PTPRM: variants seen among roughly 807,000 people sequenced by gnomAD.
The protein encoded by PTPRM is receptor-type tyrosine-protein phosphatase mu.
A neutral mutation model predicts 186.7 loss-of-function variants in PTPRM; 47 were observed. The ratio of observed to expected loss-of-function variants is 0.25; its 90% CI spans 0.20 to 0.32. The LOEUF (loss-of-function observed/expected upper bound fraction) is 0.32, where lower values mean the gene tolerates loss of function less well. Ranked by LOEUF, PTPRM falls within the 10% of genes least tolerant of loss-of-function variation. The probability of loss-of-function intolerance (pLI) is 1.00; values close to 1 mark genes in which losing one functional copy is unlikely to be tolerated. For missense variants in PTPRM, 1,494 were observed against 1,865.0 expected, an observed-to-expected ratio of 0.80 and a Z score of 3.66; for synonymous variants, 668 against 674.9, an observed-to-expected ratio of 0.99 and a Z score of 0.16.
intron 14 of PTPRM, among the ~76,000 whole-genome samples, chr18:8,199,863 G>A (rs779031543): frequency 2.6e-5 from 4 of 151,966 alleles, no homozygotes; most frequent in South Asian, 4.2e-4. Flanking sequence ...CTTTATTGGC[G>A]CTGTGTGTAT....
At position 7,567,646 on chromosome 18, in the gene PTPRM, T is replaced by A. The variant is rs111519596; in HGVS notation, c.-173T>A. 5.5e-6 allele frequency: 3 copies of A among 541,056 alleles called. No homozygotes were observed. The East Asian group carries it at 1.1e-4, about 19-fold the overall frequency. 33.5% of individuals were successfully genotyped at this position (541,056 alleles called of 1,614,324 possible). A position where few individuals can be genotyped will look rare whatever the true frequency, so the allele number is the denominator to read the frequency against. On this transcript the variant is annotated 5_prime_UTR_variant, in exon 1 of 33. Transcript: ENST00000580170. The surrounding 1 kb of genome is among the most constrained non-coding windows in gnomAD (Gnocchi z 4.3). ...ACCCAGGACCCTGTGCCCGCGCCCC[T>A]GGAGCCGCTGGAGTTCGGACTTCTG...
chr18:8,193,284 C>T (rs766852403), intron 14 of PTPRM, among the ~76,000 whole-genome samples: 3 of 152,136 alleles, frequency 2.0e-5, no homozygotes, highest in Non-Finnish European at 2.9e-5. Context: ...TTTGCCTTTA[C>T]TGTGGAGGGG....
intron 13 of PTPRM, among the ~76,000 whole-genome samples, chr18:8,116,935 A>C (rs2091979331): frequency 6.6e-6 from 1 of 152,216 alleles, no homozygotes; most frequent in African/African-American, 2.4e-5. Context: ...AGAGGGACAC[A>C]TTTTAATATT....
At chr18:7,670,361 TTCTG>T (rs1210556417) in intron 1 of PTPRM, among the ~76,000 whole-genome samples, 6 of 152,218 alleles carry the variant, frequency 3.9e-5, no homozygotes, top group Non-Finnish European at 5.9e-5. Flanking sequence ...CTTATATAGA[TTCTG>T]TCTTTCTTTT....
At chr18:8,227,175 C>T (rs8093791) in intron 14 of PTPRM, among the ~76,000 whole-genome samples, 23,916 of 152,140 alleles carry the variant, frequency 0.16, 2,006 homozygotes, top group African/African-American at 0.21. Context: ...TACTTATGCA[C>T]CAACCTAATA....
intron 7 of PTPRM, among the ~76,000 whole-genome samples, chr18:7,978,683 C>T (rs966439990): frequency 2.8e-4 from 42 of 152,168 alleles, no homozygotes; most frequent in Non-Finnish European, 5.7e-4. Context: ...AATCATAACT[C>T]TTATTCTATA....
chr18:7,757,563 G>A lies in PTPRM; in HGVS notation c.74-16586G>A, dbSNP rs116812790. The stretch of plus-strand genomic sequence containing the variant: ...CCAGCAGCAGGTGGGCGTTTCTGCA[G>A]TAAGCCTCTGGGGCTCATCTGTTCT... On this transcript the variant is annotated intron_variant, in intron 1 of 32. Coordinates refer to ENST00000580170, the MANE Select transcript of PTPRM (RefSeq NM_001105244.2). Among the ~76,000 whole-genome samples, 575 of 152,260 alleles carry A rather than the reference G, an allele frequency of 3.8e-3. 3 individuals carry two copies. The highest frequency in any genetic ancestry group is 0.014 in the African/African-American group (563 of 41,552).
At chr18:7,961,369 T>C (rs1405102149) in intron 7 of PTPRM, among the ~76,000 whole-genome samples, 1 of 152,202 alleles carries the variant, frequency 6.6e-6, no homozygotes, top group African/African-American at 2.4e-5. Context: ...AGTGGAATCA[T>C]GCAGTATTTG....
chr18:7,788,346 T>C (rs1040957446), intron 2 of PTPRM, among the ~76,000 whole-genome samples: 2 of 152,176 alleles, frequency 1.3e-5, no homozygotes, highest in African/African-American at 4.8e-5. Flanking sequence ...TAACTGTAAA[T>C]ATTAATTCTA....
intron 2 of PTPRM, among the ~76,000 whole-genome samples, chr18:7,827,112 A>AAACAAT (rs2045526158): frequency 6.6e-6 from 1 of 152,144 alleles, no homozygotes; most frequent in Non-Finnish European, 1.5e-5. Context: ...ACAAAAACAA[A>AAACAAT]AACAAAACAT....
chr18:8,252,575 A>C, intron 18 of PTPRM, 76 bp downstream of exon 18: 1 of 1,398,680 alleles, frequency 7.1e-7, no homozygotes, highest in South Asian at 1.2e-5. Flanking sequence ...GATTCTGACA[A>C]AGCCAGCTGG....
intron 14 of PTPRM, among the ~76,000 whole-genome samples, chr18:8,150,454 G>A (rs1015783976): frequency 6.6e-6 from 1 of 151,950 alleles, no homozygotes; most frequent in South Asian, 2.1e-4. Flanking sequence ...TGATACTTGT[G>A]TATGCTTCAC....
intron 7 of PTPRM, among the ~76,000 whole-genome samples, chr18:8,031,053 G>T (rs1422396456): frequency 6.6e-6 from 1 of 151,984 alleles, no homozygotes; most frequent in African/African-American, 2.4e-5. Context: ...CTTGGAAAAC[G>T]GTTGCCCATT....
At chr18:7,617,041 G>A (rs772460481) in intron 1 of PTPRM, among the ~76,000 whole-genome samples, 5 of 152,170 alleles carry the variant, frequency 3.3e-5, no homozygotes, top group African/African-American at 7.2e-5. Flanking sequence ...GGTATTAAAC[G>A]TAATATGTTT....
At chr18:7,690,050 G>T (rs2039699801) in intron 1 of PTPRM, among the ~76,000 whole-genome samples, 2 of 152,138 alleles carry the variant, frequency 1.3e-5, no homozygotes, top group South Asian at 4.1e-4. Flanking sequence ...GGATCCATTT[G>T]CCAAATGGGC....
chr18:7,686,372 T>C (rs1452282489), intron 1 of PTPRM, among the ~76,000 whole-genome samples: 1 of 152,200 alleles, frequency 6.6e-6, no homozygotes, highest in African/African-American at 2.4e-5. Flanking sequence ...TGAGTGGTAA[T>C]TTAAAAAACA....
chr18:7,656,269 A>G (rs912542226), intron 1 of PTPRM, among the ~76,000 whole-genome samples: 1 of 152,240 alleles, frequency 6.6e-6, no homozygotes, highest in Admixed American at 6.5e-5. Flanking sequence ...ACGTGTTACA[A>G]CACAAATGAA....
chr18:7,701,815 C>T (rs1044748891), intron 1 of PTPRM, among the ~76,000 whole-genome samples: 5 of 152,018 alleles, frequency 3.3e-5, no homozygotes, highest in African/African-American at 9.7e-5. Flanking sequence ...CCCATCAACC[C>T]GTCATCTACA....
At chr18:8,003,600 G>T (rs757251174) in intron 7 of PTPRM, among the ~76,000 whole-genome samples, 1 of 152,170 alleles carries the variant, frequency 6.6e-6, no homozygotes, top group Non-Finnish European at 1.5e-5. Flanking sequence ...GATCAGTTCC[G>T]GTCCTCATGT....
Sources: gnomAD v4.1 joint callset for allele counts (sites outside exome capture counted in the v4.1 genomes callset) on GRCh38, gnomAD v4.1.1 for gene constraint, Gnocchi (gnomAD v3.1) non-coding constraint, MANE v1.5 for transcripts, NCBI Gene and HGNC (gene_info 2026-07-23, HGNC 2026-07-21) for gene names.